PARP1: variants seen among roughly 807,000 people sequenced by gnomAD.
The protein encoded by PARP1 is poly [ADP-ribose] polymerase 1.
A neutral mutation model predicts 118.7 loss-of-function variants in PARP1; 44 were observed. That is an observed-to-expected ratio of 0.37 (90% CI 0.29 to 0.48). The LOEUF (loss-of-function observed/expected upper bound fraction) is 0.48. Ranked by LOEUF, PARP1 falls within the 20% of genes least tolerant of loss-of-function variation. The pLI is 0.99. For synonymous variants in PARP1, 492 were observed against 483.2 expected (o/e 1.02, Z -0.24); for missense variants, 1,100 against 1,272.4 (o/e 0.86, Z 2.06).
intron 7 of PARP1, among the ~76,000 whole-genome samples, chr1:226,383,966 AAAGAC>A (rs1443516006): frequency 6.6e-6 from 1 of 152,242 alleles, no homozygotes; most frequent in Admixed American, 6.5e-5. Flanking sequence ...GTCTGGTTAA[AAAGAC>A]AGTTTCTGCT....
chr1:226,385,045 A>G (rs1319581996), intron 7 of PARP1, among the ~76,000 whole-genome samples: 1 of 152,204 alleles, frequency 6.6e-6, no homozygotes, highest in Non-Finnish European at 1.5e-5. Context: ...TGAGAATTCC[A>G]TAAGCAGTTC....
intron 12 of PARP1, 76 bp downstream of exon 12, chr1:226,379,066 G>T: frequency 1.3e-6 from 2 of 1,581,566 alleles, no homozygotes; most frequent in Non-Finnish European, 1.7e-6. Flanking sequence ...GGTTTCACAA[G>T]GCTGATGGCA....
At chr1:226,374,890 T>C (rs1664457997) in intron 13 of PARP1, among the ~76,000 whole-genome samples, 1 of 152,132 alleles carries the variant, frequency 6.6e-6, no homozygotes. Flanking sequence ...TTAAAGCACA[T>C]CGTAGCATTA....
chr1:226,382,216 G>A (rs953453857), intron 8 of PARP1, among the ~76,000 whole-genome samples: 5 of 152,228 alleles, frequency 3.3e-5, no homozygotes, highest in Non-Finnish European at 7.3e-5. Flanking sequence ...ACATGTCTCT[G>A]AGTAAACAAG....
At chr1:226,397,178 A>G (rs1664940609) in intron 2 of PARP1, among the ~76,000 whole-genome samples, 1 of 148,284 alleles carries the variant, frequency 6.7e-6, no homozygotes, top group Admixed American at 6.7e-5. Flanking sequence ...AAAAAAAGTT[A>G]AAAAATTAGT....
At chr1:226,361,827 C>A in intron 22 of PARP1, 142 bp downstream of exon 22, 2 of 712,466 alleles carry the variant, frequency 2.8e-6, no homozygotes, top group Non-Finnish European at 5.2e-6. Flanking sequence ...GGAGGGACCA[C>A]AGAAGGGAAA....
intron 2 of PARP1, among the ~76,000 whole-genome samples, chr1:226,400,090 T>C (rs1665000441): frequency 1.3e-5 from 2 of 152,094 alleles, no homozygotes; most frequent in African/African-American, 4.8e-5. Context: ...AATACAGAGA[T>C]TTTGTGCATG....
At chr1:226,381,548 G>A (rs1171410792) in intron 8 of PARP1, among the ~76,000 whole-genome samples, 1 of 142,506 alleles carries the variant, frequency 7.0e-6, no homozygotes, top group Non-Finnish European at 1.5e-5. Flanking sequence ...GGCTGGAGTC[G>A]GATGGGAAGA....
rs577466994 is a variant in PARP1, at chr1:226,377,176, C to A, written c.1873G>T (p.Ala625Ser). ...TTCGTGAAATTTTTGGAGTGCCAAG[C>A]GTTCCCGGTTTTTTCTTCATATAAT... ...MKLYEEKTGN[A>S]WHSKNFTKYP... Residue 625 changes from alanine to serine, a missense_variant, in exon 13 of 23, where the codon GCT becomes TCT. Ala to Ser is a moderately conservative substitution (Grantham distance 99). Transcript: ENST00000366794. 2 of 1,614,032 alleles carry A rather than the reference C, an allele frequency of 1.2e-6. No individual in the cohort carries two copies. Among genetic ancestry groups the A allele is most frequent in the African/African-American group, 1.3e-5 (1 of 74,984 alleles).
chr1:226,379,734 T>A lies in PARP1; in HGVS notation c.1544-93A>T, dbSNP rs538083907. On this transcript the variant is annotated intron_variant, in intron 10 of 22. Transcript: ENST00000366794. Reference sequence around the variant, plus strand: ...GGCAAATGAGTTGTTCTCATTCCCATCATCTGTCAACTCGGCATCTATATA... The same window carrying A: ...GGCAAATGAGTTGTTCTCATTCCCAACATCTGTCAACTCGGCATCTATATA... The A allele has an allele frequency of 1.3e-5, 17 of 1,322,438 alleles. No individual in the cohort carries two copies. The South Asian group carries it at 2.0e-4, about 16-fold the overall frequency. 81.9% of individuals were successfully genotyped at this position (1,322,438 alleles called of 1,614,324 possible).
chr1:226,364,229 C>T (rs1430019776), intron 19 of PARP1, 159 bp from the exon 20 acceptor site: 1 of 708,412 alleles, frequency 1.4e-6, no homozygotes, highest in Non-Finnish European at 2.5e-6. Flanking sequence ...AAAGTTTTAG[C>T]TCACAAGCCA....
At chr1:226,407,411 C>T (rs1226849187) in intron 1 of PARP1, among the ~76,000 whole-genome samples, 1 of 150,898 alleles carries the variant, frequency 6.6e-6, no homozygotes, top group African/African-American at 2.4e-5. Flanking sequence ...TCGCCACCAT[C>T]CATGTAGAAC....
intron 2 of PARP1, among the ~76,000 whole-genome samples, chr1:226,398,706 A>G (rs1416685691): frequency 2.0e-5 from 3 of 152,232 alleles, no homozygotes; most frequent in Non-Finnish European, 4.4e-5. Flanking sequence ...CAAAACAATG[A>G]TAACACCAAA....
rs1222634275 is a variant in PARP1, at chr1:226,402,256, G to C, written c.244C>G (p.Gln82Glu). 1 of 1,614,044 alleles carries C rather than the reference G, an allele frequency of 6.2e-7. No individual in the cohort carries two copies. The highest frequency in any genetic ancestry group is 1.3e-5 in the African/African-American group (1 of 74,932). ...DGFSELRWDD[Q>E]QKVKKTAEAG... is the part of the protein sequence containing the mutation. ...TCCGCTGTCTTCTTGACTTTCTGCT[G>C]GTCATCCCACCGAAGCTCAGAGAAC... The change falls in exon 2 of 23, where the codon CAG (glutamine) becomes GAG (glutamate). Residue 82 changes from glutamine to glutamate, a missense_variant. By Grantham distance (29) the Gln-to-Glu change is conservative. Around this residue, in one of 2 missense-constraint regions of PARP1, gnomAD observed 948 missense variants for 1,031.8 expected, o/e 0.92. Transcript: ENST00000366794.
chr1:226,379,411 T>A (rs1664559467), intron 11 of PARP1, 137 bp from the exon 12 acceptor site: 5 of 1,263,934 alleles, frequency 4.0e-6, no homozygotes, highest in Non-Finnish European at 4.6e-6. Context: ...CCCACAAATG[T>A]GTGTTCTCAG....
At position 226,383,052 on chromosome 1, in the gene PARP1, G is replaced by T; in HGVS notation, c.1143C>A (p.Asn381Lys). 6.2e-7 allele frequency: 1 copy of T among 1,612,892 alleles called. No individual in the cohort carries two copies. The highest frequency in any genetic ancestry group is 8.5e-7 in the Non-Finnish European group (1 of 1,180,018). Residue 381 changes from asparagine to lysine, a missense_variant, in exon 8 of 23, where the codon AAC (asparagine) becomes AAA (lysine). Asn to Lys is a moderately conservative substitution (Grantham distance 94). Around this residue, in one of 2 missense-constraint regions of PARP1, gnomAD observed 948 missense variants for 1,031.8 expected, o/e 0.92. Coordinates refer to ENST00000366794, the MANE Select transcript of PARP1 (RefSeq NM_001618.4). Reference sequence around the variant, plus strand: ...ATGCTGTACCTGCTGAAGCAGAGGAGTTCACAGCAGCAGGAGCCGAGGCTG... The same window carrying T: ...ATGCTGTACCTGCTGAAGCAGAGGATTTCACAGCAGCAGGAGCCGAGGCTG... ...PSTASAPAAV[N>K]SSASADKPLS...
In PARP1 at chr1:226,370,511, G is replaced by A. The variant is rs1664359189; in HGVS notation, c.2077C>T (p.Leu693Phe). Residue 693 changes from leucine to phenylalanine, a missense_variant, in exon 15 of 23, where the codon CTT becomes TTT. Around this residue, in one of 2 missense-constraint regions of PARP1, gnomAD observed 948 missense variants for 1,031.8 expected, o/e 0.92. Coordinates refer to ENST00000366794, the MANE Select transcript of PARP1 (RefSeq NM_001618.4). ...KKAMVEYEID[L>F]QKMPLGKLSK... ...AGCTTCCCCAAGGGCATCTTCTGAA[G>A]GTCGATCTGAGGAGACAGGGGATTT... 6.2e-7 allele frequency: 1 copy of A among 1,613,288 alleles called. No homozygotes were observed. The highest frequency in any genetic ancestry group is 1.3e-5 in the African/African-American group (1 of 74,858).
chr1:226,368,406 G>T, intron 15 of PARP1, 85 bp from the exon 16 acceptor site: 1 of 1,567,742 alleles, frequency 6.4e-7, no homozygotes, highest in Non-Finnish European at 8.8e-7. Context: ...GCAGGTGGGT[G>T]CTGCAGCAGG....
Position 226,401,850 on chromosome 1 carries a change from C to A in PARP1, c.286+364G>T. On this transcript the variant is annotated intron_variant, in intron 2 of 22. Transcript: ENST00000366794. ...GTCAGTGTAGGTTCCTCAATTATAA[C>A]AAATGTACTACTCTGGTGGGAGGTG... 4 of 718,864 alleles carry A rather than the reference C, an allele frequency of 5.6e-6. No homozygotes were observed. The Admixed American group carries it at 9.9e-5, about 18-fold the overall frequency. The allele number at this position is 718,864 out of a possible 1,614,324, so 44.5% of individuals were successfully genotyped here.
Sources: allele counts gnomAD v4.1 joint callset (sites outside exome capture counted in the v4.1 genomes callset), GRCh38; gene constraint gnomAD v4.1.1; regional missense constraint gnomAD v4.1.1; transcripts MANE v1.5; gene names NCBI Gene and HGNC (gene_info 2026-07-23, HGNC 2026-07-21).